ERC2: variants seen among roughly 807,000 people sequenced by gnomAD.
ERC2 encodes ERC protein 2.
A neutral mutation model predicts 114.8 loss-of-function variants in ERC2; 42 were observed. The observed-to-expected ratio is 0.37, with a 90% CI of 0.29 to 0.47. The LOEUF (loss-of-function observed/expected upper bound fraction) is 0.47. ERC2 is among the 20% of genes least tolerant of loss of function. The pLI is 0.99. For synonymous variants in ERC2, 454 were observed against 425.5 expected (o/e 1.07, Z -0.82); for missense variants, 939 against 1,150.7 (o/e 0.82, Z 2.66).
At chr3:55,866,760 T>C (rs908172931) in intron 14 of ERC2, among the ~76,000 whole-genome samples, 1 of 152,156 alleles carries the variant, frequency 6.6e-6, no homozygotes. Context: ...AATATTTGAG[T>C]ATGCTTTCTC....
At chr3:55,591,735 ACTC>A (rs757876113) in intron 17 of ERC2, among the ~76,000 whole-genome samples, 1 of 151,178 alleles carries the variant, frequency 6.6e-6, no homozygotes, top group East Asian at 2.0e-4. Flanking sequence ...CAATCACTGA[ACTC>A]CTTTTCTTTG....
Position 55,673,751 on chromosome 3 carries a change from G to A in ERC2, c.*39+10043C>T, listed in dbSNP as rs147683663. Among the ~76,000 whole-genome samples the A allele has an allele frequency of 1.6e-4, 24 of 149,754 alleles. No individual in the cohort carries two copies. The East Asian group carries it at 3.5e-3, about 22-fold the overall frequency. Reference sequence around the variant, plus strand: ...AGCCAGAGTCCCACACACTGAATCCGTTTACAATCCAGTGCCGTGGGCCAA... The same window carrying A: ...AGCCAGAGTCCCACACACTGAATCCATTTACAATCCAGTGCCGTGGGCCAA... On this transcript the variant is annotated intron_variant, in intron 17 of 17. Coordinates refer to ENST00000288221, the MANE Select transcript of ERC2 (RefSeq NM_015576.3).
At chr3:56,352,429 T>G (rs2058589188) in intron 2 of ERC2, among the ~76,000 whole-genome samples, 1 of 152,186 alleles carries the variant, frequency 6.6e-6, no homozygotes. Context: ...GCTAGGATGC[T>G]GGAGACATTC....
chr3:55,724,338 G>A (rs2064776878), intron 15 of ERC2, among the ~76,000 whole-genome samples: 1 of 152,122 alleles, frequency 6.6e-6, no homozygotes, highest in Admixed American at 6.5e-5. Flanking sequence ...GGTTGCTCAG[G>A]GTCACAGAAT....
chr3:55,744,005 G>A (rs756267642), intron 14 of ERC2, among the ~76,000 whole-genome samples: 1 of 152,136 alleles, frequency 6.6e-6, no homozygotes, highest in Admixed American at 6.5e-5. Flanking sequence ...AGGACCAAAG[G>A]TTACTCCGTT....
chr3:55,622,993 C>T (rs1267677591), intron 17 of ERC2, among the ~76,000 whole-genome samples: 1 of 152,206 alleles, frequency 6.6e-6, no homozygotes, highest in Non-Finnish European at 1.5e-5. Flanking sequence ...TGTGAATCCA[C>T]TTCTAGAGGA....
chr3:55,532,534 G>T (rs1010691986), intron 17 of ERC2, among the ~76,000 whole-genome samples: 6 of 152,286 alleles, frequency 3.9e-5, no homozygotes, highest in African/African-American at 1.4e-4. Context: ...CAGGTGTCAA[G>T]TACAGTTTCT....
At chr3:56,018,664 T>C (rs952753272) in intron 8 of ERC2, among the ~76,000 whole-genome samples, 1 of 152,136 alleles carries the variant, frequency 6.6e-6, no homozygotes, top group African/African-American at 2.4e-5. Context: ...TGAAGGTTTT[T>C]AAGGAAAGCC....
At chr3:56,076,089 CT>C (rs2076956242) in intron 7 of ERC2, among the ~76,000 whole-genome samples, 1 of 152,150 alleles carries the variant, frequency 6.6e-6, no homozygotes, top group African/African-American at 2.4e-5. Context: ...CCATTCACCC[CT>C]CTCTACCTTT....
At chr3:55,702,540 A>G (rs1029606396) in intron 15 of ERC2, among the ~76,000 whole-genome samples, 1 of 150,758 alleles carries the variant, frequency 6.6e-6, no homozygotes, top group South Asian at 2.1e-4. Flanking sequence ...TCTCTTTTAA[A>G]TTTTTTTTTT....
rs79171776 is a variant in ERC2 at position 56,397,183 on chromosome 3, A to G, written c.657+37168T>C. Among the ~76,000 whole-genome samples, 70 of 152,232 alleles carry G rather than the reference A, an allele frequency of 4.6e-4. No homozygotes were observed. In the East Asian group the frequency reaches 0.011, roughly 24 times the overall value. ...TGTTTTAAAATTCAAAGAGTACAAA[A>G]AGATACAGTTAAAAAATGGGCCGGG... On this transcript the variant is annotated intron_variant, in intron 2 of 17. Transcript: ENST00000288221.
At chr3:55,871,184 A>T (rs1410282501) in intron 14 of ERC2, among the ~76,000 whole-genome samples, 1 of 152,240 alleles carries the variant, frequency 6.6e-6, no homozygotes, top group African/African-American at 2.4e-5. Flanking sequence ...GTAAGCTCCC[A>T]GAAAGCTGGG....
At chr3:55,852,274 A>T (rs2061606659) in intron 14 of ERC2, among the ~76,000 whole-genome samples, 1 of 152,230 alleles carries the variant, frequency 6.6e-6, no homozygotes, top group African/African-American at 2.4e-5. Flanking sequence ...TACAGTAATT[A>T]CACCACAAGA....
rs138544701 is a variant in ERC2, at chr3:55,826,363, G to C, written c.2564+62026C>G. 1.1e-4 allele frequency among the ~76,000 whole-genome samples: 16 copies of C among 152,276 alleles called. No homozygotes were observed. The East Asian group carries it at 3.1e-3, about 29-fold the overall frequency. ...AGGGCTCCAGCTGACCTCTATTACT[G>C]AGTAGTTGTAATTTCCAGGAGTCTA... On this transcript the variant is annotated intron_variant, in intron 14 of 17. Transcript: ENST00000288221.
At chr3:55,796,024 G>C (rs1001498153) in intron 14 of ERC2, among the ~76,000 whole-genome samples, 2 of 152,178 alleles carry the variant, frequency 1.3e-5, no homozygotes, top group African/African-American at 4.8e-5. Flanking sequence ...TTTGAGAAGG[G>C]CTCCAAGTGA....
chr3:56,108,122 A>G (rs1037558914), intron 6 of ERC2, among the ~76,000 whole-genome samples: 9 of 152,204 alleles, frequency 5.9e-5, no homozygotes, highest in Non-Finnish European at 1.2e-4. Context: ...TACCACATCA[A>G]TAAGCAAAGT....
At chr3:55,844,508 G>A (rs1019830635) in intron 14 of ERC2, among the ~76,000 whole-genome samples, 2 of 152,168 alleles carry the variant, frequency 1.3e-5, no homozygotes, top group African/African-American at 2.4e-5. Context: ...AATCTATGGT[G>A]TGAGAAATCA....
chr3:55,534,399 A>AAC (rs1407288683), intron 17 of ERC2, among the ~76,000 whole-genome samples: 2 of 151,432 alleles, frequency 1.3e-5, no homozygotes, highest in Non-Finnish European at 1.5e-5. Flanking sequence ...CCCTGTCAAA[A>AAC]AAAAAAAAAA....
At chr3:55,764,439 T>TGTGTCAATCCCAGTCCCC (rs1352017036) in intron 14 of ERC2, among the ~76,000 whole-genome samples, 1 of 152,252 alleles carries the variant, frequency 6.6e-6, no homozygotes. Context: ...ACACAGGGCC[T>TGTGTCAATCCCAGTCCCC]GTGTCAATCC....
Sources: gnomAD v4.1 joint callset for allele counts (sites outside exome capture counted in the v4.1 genomes callset) on GRCh38, gnomAD v4.1.1 for gene constraint, MANE v1.5 for transcripts, NCBI Gene and HGNC (gene_info 2026-07-23, HGNC 2026-07-21) for gene names.